ZNF462: variants seen among roughly 807,000 people sequenced by gnomAD.
The protein encoded by ZNF462 is zinc finger PBX1-interacting protein.
A neutral mutation model predicts 201.9 loss-of-function variants in ZNF462; 10 were observed. The observed-to-expected ratio is 0.05, with a 90% confidence interval of 0.03 to 0.08. ZNF462 has a LOEUF of 0.08. Ranked by LOEUF, ZNF462 falls within the 10% of genes least tolerant of loss-of-function variation. The probability of loss-of-function intolerance (pLI) is 1.00; values close to 1 mark genes in which losing one functional copy is unlikely to be tolerated. For synonymous variants in ZNF462, 1,227 were observed against 1,193.3 expected (o/e 1.03, Z -0.58); for missense variants, 2,523 against 3,168.3 (o/e 0.80, Z 4.89).
chr9:106,971,453 T>G (rs2132032966), intron 7 of ZNF462, among the ~76,000 whole-genome samples: 1 of 152,202 alleles, frequency 6.6e-6, no homozygotes, highest in South Asian at 2.1e-4. Flanking sequence ...CAAAATTTTA[T>G]TTTTAAATAC....
upstream of ZNF462, chr9:106,862,983 C>T (rs1446840283): frequency 5.0e-6 from 2 of 396,472 alleles, no homozygotes; most frequent in Non-Finnish European, 8.9e-6. The surrounding 1 kb of genome is among the most constrained non-coding windows in gnomAD (Gnocchi z 4.2). Context: ...CTCTCTCCCC[C>T]TGGTTGCTCA....
rs1413714821 is a variant in ZNF462, at chr9:106,920,686, AGTTT to A, written c.-30-2667_-30-2664del. 2.6e-5 allele frequency among the ~76,000 whole-genome samples: 4 copies of A among 152,168 alleles called. No homozygotes were observed. The highest frequency in any genetic ancestry group is 9.6e-5 in the African/African-American group (4 of 41,452). On this transcript the variant is annotated intron_variant, in intron 1 of 12. Coordinates refer to ENST00000277225, the MANE Select transcript of ZNF462 (RefSeq NM_021224.6). This position sits in a 1 kb window ranked among gnomAD's most constrained non-coding sequence, Gnocchi z 4.3. ...TTTGTAGCAGAACAAGGAGATTGTTAGTTTATGTTTGTGTCCAGTGAAGTTAGCA... is the reference window on the plus strand; with the variant it reads ...TTTGTAGCAGAACAAGGAGATTGTTAATGTTTGTGTCCAGTGAAGTTAGCA...
chr9:106,967,550 G>A (rs1464957308), intron 7 of ZNF462, among the ~76,000 whole-genome samples: 1 of 152,016 alleles, frequency 6.6e-6, no homozygotes, highest in African/African-American at 2.4e-5. Flanking sequence ...AAAATGAGAG[G>A]GTTAGGACAT....
intron 1 of ZNF462, among the ~76,000 whole-genome samples, chr9:106,882,964 G>A (rs780276541): frequency 3.3e-5 from 5 of 152,170 alleles, no homozygotes; most frequent in Admixed American, 6.5e-5. Flanking sequence ...ATGAAGCAAC[G>A]GAACCAGGAT....
In ZNF462 at chr9:107,012,952, C is replaced by T. The variant is rs914429344; in HGVS notation, c.*1922C>T. On this transcript the variant is annotated 3_prime_UTR_variant, in exon 13 of 13. Coordinates refer to ENST00000277225, the MANE Select transcript of ZNF462 (RefSeq NM_021224.6). ...AATTTTTTTAAGGGATGGGGGCCAT[C>T]ATGTGGAAACCAGAAAATGGGGAAA... 6.6e-6 allele frequency: 1 copy of T among 151,794 alleles called. No individual in the cohort carries two copies. The highest frequency in any genetic ancestry group is 1.5e-5 in the Non-Finnish European group (1 of 67,944). 9.4% of individuals were successfully genotyped at this position (151,794 alleles called of 1,614,324 possible).
rs1376803486 is a variant in ZNF462 at position 106,978,624 on chromosome 9, AGG to A, written c.6832+4352_6832+4353del. On this transcript the variant is annotated intron_variant, in intron 9 of 12. Coordinates refer to ENST00000277225, the MANE Select transcript of ZNF462 (RefSeq NM_021224.6). The surrounding 1 kb of genome is among the most constrained non-coding windows in gnomAD (Gnocchi z 4.1). Reference sequence around the variant, plus strand: ...AATTAAGCCCTGAACTTCTCTTTCAAGGATGAAGTCAGTGGTAGGACTTTTGG... The same window carrying A: ...AATTAAGCCCTGAACTTCTCTTTCAAATGAAGTCAGTGGTAGGACTTTTGG... Among the ~76,000 whole-genome samples the A allele has an allele frequency of 3.3e-5, 5 of 151,640 alleles. No individual in the cohort carries two copies. Among genetic ancestry groups the A allele is most frequent in the African/African-American group, 1.2e-4 (5 of 40,914 alleles).
rs767741478 is a variant in ZNF462, at chr9:106,993,469, G to T, written c.7056+9060G>T. ...TTTATCTTTGTTACTAGTGAGCGAG[G>T]CATCACTTGTAATCTCTTAGGATCT... On this transcript the variant is annotated intron_variant, in intron 10 of 12. Transcript: ENST00000277225. The surrounding 1 kb of genome is among the most constrained non-coding windows in gnomAD (Gnocchi z 4.0). Among the ~76,000 whole-genome samples the T allele has an allele frequency of 1.4e-4, 22 of 151,990 alleles. 1 individual carries two copies. The highest frequency in any genetic ancestry group is 1.8e-4 in the Non-Finnish European group (12 of 67,966).
At chr9:106,904,829 T>G (rs1449161335) in intron 1 of ZNF462, among the ~76,000 whole-genome samples, 1 of 152,200 alleles carries the variant, frequency 6.6e-6, no homozygotes, top group Non-Finnish European at 1.5e-5. Context: ...TCTTGTATCA[T>G]TTTTTGGACT....
rs966484750 is a variant in ZNF462 at position 106,924,017 on chromosome 9, C to T, written c.221-116C>T. On this transcript the variant is annotated intron_variant, in intron 2 of 12. Coordinates refer to ENST00000277225, the MANE Select transcript of ZNF462 (RefSeq NM_021224.6). This position sits in a 1 kb window ranked among gnomAD's most constrained non-coding sequence, Gnocchi z 6.2. ...TCTTCAAGGCCTCATCTTGAGACTTCAGGCCTTTTGCATGTGATGTTTAGT... is the reference window on the plus strand; with the variant it reads ...TCTTCAAGGCCTCATCTTGAGACTTTAGGCCTTTTGCATGTGATGTTTAGT... 14 of 869,910 alleles carry T rather than the reference C, an allele frequency of 1.6e-5. No homozygotes were observed. The highest frequency in any genetic ancestry group is 2.1e-5 in the Non-Finnish European group (12 of 577,300). The allele number at this position is 869,910 out of a possible 1,614,324, so 53.9% of individuals were successfully genotyped here. A position where few individuals can be genotyped will look rare whatever the true frequency, so the allele number is the denominator to read the frequency against.
chr9:106,914,041 T>TTC (rs5899720), intron 1 of ZNF462, among the ~76,000 whole-genome samples: 1 of 149,794 alleles, frequency 6.7e-6, no homozygotes, highest in African/African-American at 2.4e-5. Context: ...TTTTTTTTTT[T>TTC]CTGAAGAGAT....
chr9:106,860,330 G>A (rs1378579113), upstream of ZNF462, among the ~76,000 whole-genome samples: 1 of 152,194 alleles, frequency 6.6e-6, no homozygotes, highest in Admixed American at 6.5e-5. This position sits in a 1 kb window ranked among gnomAD's most constrained non-coding sequence, Gnocchi z 7.1. Flanking sequence ...TACGAGGTCT[G>A]AGGCGTGTTG....
Position 106,935,717 on chromosome 9 carries a change from T to A in ZNF462, c.6235+96T>A, listed in dbSNP as rs146859651. The A allele has an allele frequency of 1.1e-6, 1 of 901,606 alleles. No homozygotes were observed. The highest frequency in any genetic ancestry group is 1.6e-5 in the African/African-American group (1 of 60,742). The allele number at this position is 901,606 out of a possible 1,614,324, so 55.9% of individuals were successfully genotyped here. On this transcript the variant is annotated intron_variant, in intron 6 of 12. Coordinates refer to ENST00000277225, the MANE Select transcript of ZNF462 (RefSeq NM_021224.6). The surrounding 1 kb of genome is among the most constrained non-coding windows in gnomAD (Gnocchi z 4.1). ...AGTGAAATACTGTCCTGCCTTACACTTGAGAATGTTATTCTTGGGATGGAT... is the reference window on the plus strand; with the variant it reads ...AGTGAAATACTGTCCTGCCTTACACATGAGAATGTTATTCTTGGGATGGAT...
Position 106,865,514 on chromosome 9 carries a change from A to G in ZNF462, c.-31+2159A>G, listed in dbSNP as rs1827292215. 6.6e-6 allele frequency among the ~76,000 whole-genome samples: 1 copy of G among 152,172 alleles called. No homozygotes were observed. The highest frequency in any genetic ancestry group is 6.5e-5 in the Admixed American group (1 of 15,286). On this transcript the variant is annotated intron_variant, in intron 1 of 12. Coordinates refer to ENST00000277225, the MANE Select transcript of ZNF462 (RefSeq NM_021224.6). The surrounding 1 kb of genome is among the most constrained non-coding windows in gnomAD (Gnocchi z 4.1). ...AATAATCCTGCAAGATCTCAGAGGA[A>G]CTCTAAGACTGGCTAACACCAGTTT...
In ZNF462 at chr9:106,926,687, C is replaced by T. The variant is rs769701748; in HGVS notation, c.2775C>T (p.Tyr925=). Residue 925 remains tyrosine, a synonymous_variant, in exon 3 of 13, where the codon TAC becomes TAT. Transcript: ENST00000277225. The surrounding 1 kb of genome is among the most constrained non-coding windows in gnomAD (Gnocchi z 7.9). ...ACTTTGATCACTCGGACCTGATCTACCGGTGTCGGTTTTGTTCATACACGA... is the reference window on the plus strand; with the variant it reads ...ACTTTGATCACTCGGACCTGATCTATCGGTGTCGGTTTTGTTCATACACGA... The part of the protein sequence containing the change: ...VLNFDHSDLI[Y]RCRFCSYTSP... 6.2e-7 allele frequency: 1 copy of T among 1,614,086 alleles called. No homozygotes were observed. Among genetic ancestry groups the T allele is most frequent in the South Asian group, 1.1e-5 (1 of 91,062 alleles).
chr9:106,869,624 C>T (rs903586420), intron 1 of ZNF462, among the ~76,000 whole-genome samples: 1 of 152,178 alleles, frequency 6.6e-6, no homozygotes, highest in African/African-American at 2.4e-5. Flanking sequence ...ACACAGTTAA[C>T]GCTGTAAACA....
At chr9:106,999,711 A>T (rs1829036359) in intron 10 of ZNF462, among the ~76,000 whole-genome samples, 1 of 152,210 alleles carries the variant, frequency 6.6e-6, no homozygotes, top group South Asian at 2.1e-4. Context: ...ATTCATTAAC[A>T]GTTATTATGT....
chr9:106,906,218 A>T (rs1057079569), intron 1 of ZNF462, among the ~76,000 whole-genome samples: 2 of 152,186 alleles, frequency 1.3e-5, no homozygotes, highest in Non-Finnish European at 2.9e-5. Flanking sequence ...CCATTTCTGC[A>T]GCTGGGGCAC....
At chr9:106,988,377 A>G (rs1346808037) in intron 10 of ZNF462, among the ~76,000 whole-genome samples, 4 of 152,118 alleles carry the variant, frequency 2.6e-5, no homozygotes, top group African/African-American at 9.7e-5. Flanking sequence ...TGATTCAATT[A>G]TCTCCCACCA....
At chr9:106,862,750 A>AG (rs1248644659), upstream of ZNF462, among the ~76,000 whole-genome samples, 46 of 152,242 alleles carry the variant, frequency 3.0e-4, no homozygotes, top group African/African-American at 1.0e-3. The surrounding 1 kb of genome is among the most constrained non-coding windows in gnomAD (Gnocchi z 4.2). Flanking sequence ...CAGCAGCCTC[A>AG]GCATCTCCTC....
Sources: gnomAD v4.1 joint callset for allele counts (sites outside exome capture counted in the v4.1 genomes callset) on GRCh38, gnomAD v4.1.1 for gene constraint, Gnocchi (gnomAD v3.1) non-coding constraint, MANE v1.5 for transcripts, NCBI Gene and HGNC (gene_info 2026-07-23, HGNC 2026-07-21) for gene names.